ACTR3C: variants seen among roughly 807,000 people sequenced by gnomAD.
The protein encoded by ACTR3C is actin-related protein 3C.
In ACTR3C, 18 loss-of-function variants were observed where a neutral mutation model predicts 26.3. That is an observed-to-expected ratio of 0.68 (90% confidence interval 0.47 to 1.01). The LOEUF (loss-of-function observed/expected upper bound fraction) is 1.01. ACTR3C is among the 50% of genes least tolerant of loss of function. The pLI is 0.00. For synonymous variants in ACTR3C, 55 were observed against 94.5 expected, an observed-to-expected ratio of 0.58 and a Z score of 2.42; for missense variants, 184 against 250.7, an observed-to-expected ratio of 0.73 and a Z score of 1.80.
chr7:150,041,777 G>T, the ACTR3C span, among the ~76,000 whole-genome samples: 2 of 123,818 alleles, frequency 1.6e-5, no homozygotes, highest in African/African-American at 6.6e-5. Flanking sequence ...CTGGCTCTCA[G>T]TCCCTGCCTC....
the ACTR3C span, among the ~76,000 whole-genome samples, chr7:150,054,926 C>T: frequency 1.5e-4 from 23 of 152,208 alleles, no homozygotes; most frequent in African/African-American, 5.3e-4. Flanking sequence ...TGATACTACA[C>T]ATTATCCGAC....
chr7:150,098,292 T>C, the ACTR3C span, among the ~76,000 whole-genome samples: 1 of 151,648 alleles, frequency 6.6e-6, no homozygotes, highest in African/African-American at 2.4e-5. Context: ...AAGACCTTTC[T>C]GGCAATGTAG....
At chr7:149,889,486 C>T in the ACTR3C span, among the ~76,000 whole-genome samples, 1 of 152,172 alleles carries the variant, frequency 6.6e-6, no homozygotes, top group Non-Finnish European at 1.5e-5. Flanking sequence ...TTCCCAGCAA[C>T]TCACAAGGAG....
the ACTR3C span, among the ~76,000 whole-genome samples, chr7:149,985,563 G>A: frequency 1.3e-5 from 2 of 152,096 alleles, no homozygotes; most frequent in Admixed American, 6.6e-5. Context: ...CTAAGTGGTC[G>A]AGCCGGGAGT....
At chr7:150,184,835 C>T in the ACTR3C span, among the ~76,000 whole-genome samples, 2 of 146,334 alleles carry the variant, frequency 1.4e-5, no homozygotes, top group Non-Finnish European at 2.9e-5. Flanking sequence ...TGCTCTCTTT[C>T]TCTGTGATGC....
chr7:149,965,569 T>G, the ACTR3C span, among the ~76,000 whole-genome samples: 1 of 151,636 alleles, frequency 6.6e-6, no homozygotes, highest in African/African-American at 2.4e-5. Context: ...CAGAGAATAT[T>G]TGAAGGGAAA....
At chr7:149,904,543 CAACAACAA>C in the ACTR3C span, among the ~76,000 whole-genome samples, 2,106 of 67,278 alleles carry the variant, frequency 0.031, 164 homozygotes, top group East Asian at 0.2. Flanking sequence ...AAAACAACAA[CAACAACAA>C]AAAAAACTTT....
the ACTR3C span, among the ~76,000 whole-genome samples, chr7:150,235,024 A>G: frequency 6.6e-6 from 1 of 152,192 alleles, no homozygotes; most frequent in Non-Finnish European, 1.5e-5. Flanking sequence ...TGCAGACCAC[A>G]TTAGCACTAG....
chr7:150,077,315 G>A, the ACTR3C span, among the ~76,000 whole-genome samples: 1 of 152,204 alleles, frequency 6.6e-6, no homozygotes, highest in African/African-American at 2.4e-5. Flanking sequence ...GTGTCTGTGT[G>A]TGTGTGTGCA....
At chr7:149,906,396 T>C in the ACTR3C span, among the ~76,000 whole-genome samples, 1 of 147,956 alleles carries the variant, frequency 6.8e-6, no homozygotes, top group Non-Finnish European at 1.5e-5. Flanking sequence ...GGGGTTTTTG[T>C]GTGTGGGGTT....
At chr7:150,101,907 A>G in the ACTR3C span, among the ~76,000 whole-genome samples, 2 of 151,840 alleles carry the variant, frequency 1.3e-5, 1 homozygote, top group African/African-American at 4.9e-5. Context: ...CTAACAGTCA[A>G]AGAGTAGCCA....
chr7:149,979,002 T>C, the ACTR3C span, among the ~76,000 whole-genome samples: 2 of 152,046 alleles, frequency 1.3e-5, no homozygotes, highest in Non-Finnish European at 2.9e-5. Flanking sequence ...AACAGCCTTC[T>C]GGCCATGCTA....
At chr7:149,960,205 G>A in the ACTR3C span, among the ~76,000 whole-genome samples, 2 of 151,766 alleles carry the variant, frequency 1.3e-5, no homozygotes, top group South Asian at 4.2e-4. Flanking sequence ...TTATGATCAA[G>A]ATCTCTAAAA....
the ACTR3C span, among the ~76,000 whole-genome samples, chr7:149,958,485 A>C: frequency 6.6e-6 from 1 of 152,196 alleles, no homozygotes; most frequent in Admixed American, 6.5e-5. Context: ...AGCATTCCTC[A>C]AGCTTTGAGC....
the ACTR3C span, among the ~76,000 whole-genome samples, chr7:150,022,513 G>C: frequency 1.3e-5 from 2 of 151,738 alleles, no homozygotes; most frequent in Admixed American, 6.6e-5. Flanking sequence ...AACTCTCAGC[G>C]GGGTCTTTAT....
downstream of ACTR3C, among the ~76,000 whole-genome samples, chr7:150,241,186 A>G (rs1832157022): frequency 6.6e-6 from 1 of 152,198 alleles, no homozygotes; most frequent in East Asian, 1.9e-4. Context: ...AAGAACATAT[A>G]AAATACAAAA....
the ACTR3C span, among the ~76,000 whole-genome samples, chr7:150,092,013 A>AAAAAAAAAAG: frequency 1.4e-5 from 2 of 145,564 alleles, no homozygotes; most frequent in East Asian, 2.0e-4. Context: ...AAAAAAAAAA[A>AAAAAAAAAAG]AAAAAAAAAG....
chr7:149,914,437 C>T, the ACTR3C span, among the ~76,000 whole-genome samples: 2 of 151,604 alleles, frequency 1.3e-5, no homozygotes, highest in South Asian at 2.1e-4. Flanking sequence ...TACTAAAATA[C>T]AAAAAATTAG....
the ACTR3C span, among the ~76,000 whole-genome samples, chr7:149,911,447 A>C: frequency 6.6e-6 from 1 of 152,152 alleles, no homozygotes; most frequent in Admixed American, 6.5e-5. Context: ...CGGCACAGTG[A>C]CTGGCACATG....
Sources: gnomAD v4.1 joint callset for allele counts (sites outside exome capture counted in the v4.1 genomes callset) on GRCh38, gnomAD v4.1.1 for gene constraint, MANE v1.5 for transcripts, NCBI Gene and HGNC (gene_info 2026-07-23, HGNC 2026-07-21) for gene names.